ADAMTS19: variants seen among roughly 807,000 people sequenced by gnomAD.
The protein encoded by ADAMTS19 is A disintegrin and metalloproteinase with thrombospondin motifs 19.
In ADAMTS19, 93 loss-of-function variants were observed where a neutral mutation model predicts 153.3. The ratio of observed to expected loss-of-function variants is 0.61; its 90% CI spans 0.51 to 0.72. The LOEUF is 0.72. Among genes scored for constraint, ADAMTS19 ranks in the 30% least tolerant of loss-of-function variants. ADAMTS19 has a pLI of 0.00. For missense variants in ADAMTS19, 1,482 were observed against 1,552.1 expected, an observed-to-expected ratio of 0.95 and a Z score of 0.76; for synonymous variants, 600 against 556.6, an observed-to-expected ratio of 1.08 and a Z score of -1.10.
chr5:129,499,079 AC>A (rs1480492056), intron 2 of ADAMTS19, among the ~76,000 whole-genome samples: 1 of 152,032 alleles, frequency 6.6e-6, no homozygotes, highest in Non-Finnish European at 1.5e-5. Context: ...TTTGGGCTAG[AC>A]TGGTAAACAA....
Position 129,684,181 on chromosome 5 carries a change from C to T in ADAMTS19, c.2726C>T (p.Pro909Leu), listed in dbSNP as rs1754959393. The T allele has an allele frequency of 1.2e-6, 2 of 1,614,056 alleles. No homozygotes were observed. The highest frequency in any genetic ancestry group is 1.7e-5 in the Admixed American group (1 of 60,008). ...TATGAATACACTATCCCATCAGACC[C>T]TCTTCCAGAAAACCAGAGCTCTAAA... Reference protein sequence around the residue: ...LHYEYTIPSDPLPENQSSKAP... With the variant: ...LHYEYTIPSDLLPENQSSKAP... The change falls in exon 18 of 23, where the codon CCT (proline) becomes CTT (leucine). Residue 909 changes from proline to leucine, a missense_variant. Transcript: ENST00000274487.
chr5:129,615,371 G>T (rs1229304560), intron 8 of ADAMTS19, among the ~76,000 whole-genome samples: 1 of 151,990 alleles, frequency 6.6e-6, no homozygotes, highest in Non-Finnish European at 1.5e-5. Flanking sequence ...ATTTCATCCT[G>T]TAGATCATTG....
At chr5:129,654,777 T>C (rs555124529) in intron 14 of ADAMTS19, among the ~76,000 whole-genome samples, 47 of 152,162 alleles carry the variant, frequency 3.1e-4, no homozygotes, top group Non-Finnish European at 1.0e-4. Context: ...TAGTTCTCCA[T>C]GCTTTGTGTC....
At position 129,682,103 on chromosome 5, in the gene ADAMTS19, G is replaced by A. The variant is rs547447127; in HGVS notation, c.2665-2017G>A. ...GAGACCTTAGTGTTGGGTGGAGGGA[G>A]TTTCCTTGCTGCAGAATCCTTAATC... On this transcript the variant is annotated intron_variant, in intron 17 of 22. Coordinates refer to ENST00000274487, the MANE Select transcript of ADAMTS19 (RefSeq NM_133638.6). Among the ~76,000 whole-genome samples the A allele has an allele frequency of 4.6e-5, 7 of 152,266 alleles. No homozygotes were observed. The South Asian group carries it at 1.5e-3, about 32-fold the overall frequency.
chr5:129,544,131 T>C (rs953298016), intron 6 of ADAMTS19, among the ~76,000 whole-genome samples: 4 of 152,188 alleles, frequency 2.6e-5, no homozygotes, highest in Non-Finnish European at 5.9e-5. Context: ...TTAAAATACT[T>C]CATCCCTATC....
At chr5:129,640,041 A>G (rs1192527603) in intron 10 of ADAMTS19, among the ~76,000 whole-genome samples, 1 of 152,208 alleles carries the variant, frequency 6.6e-6, no homozygotes, top group Non-Finnish European at 1.5e-5. Context: ...TTTTTGGTAA[A>G]TGCTATGGGC....
At position 129,664,824 on chromosome 5, in the gene ADAMTS19, C is replaced by CA. The variant is rs149397257; in HGVS notation, c.2426-674dup. On this transcript the variant is annotated intron_variant, in intron 15 of 22. Transcript: ENST00000274487. ...TTTTTCTGCACATTTTCTCTTATCT[C>CA]ACTTTACCTTATCATTTTATTTCTC... is the stretch of plus-strand genomic sequence containing the variant. 2.1e-3 allele frequency among the ~76,000 whole-genome samples: 318 copies of CA among 152,200 alleles called. 3 individuals carry two copies. Among genetic ancestry groups the CA allele is most frequent in the African/African-American group, 7.2e-3 (300 of 41,518 alleles).
chr5:129,700,232 T>A (rs1329334291), intron 19 of ADAMTS19, among the ~76,000 whole-genome samples: 1 of 152,176 alleles, frequency 6.6e-6, no homozygotes. Context: ...AAAATACGTA[T>A]GTATTAGCTG....
At chr5:129,695,516 T>C (rs2127149704) in intron 19 of ADAMTS19, among the ~76,000 whole-genome samples, 1 of 152,314 alleles carries the variant, frequency 6.6e-6, no homozygotes, top group Middle Eastern at 3.4e-3. Context: ...AAGAAGCCCA[T>C]GCCTTGGTTA....
At chr5:129,472,965 AGTG>A (rs1750115889) in intron 2 of ADAMTS19, among the ~76,000 whole-genome samples, 1 of 151,932 alleles carries the variant, frequency 6.6e-6, no homozygotes, top group African/African-American at 2.4e-5. Context: ...TTAGAAAATC[AGTG>A]GTGAAGAGAA....
intron 21 of ADAMTS19, among the ~76,000 whole-genome samples, chr5:129,732,944 T>A (rs1757504302): frequency 6.6e-6 from 1 of 152,052 alleles, no homozygotes; most frequent in Non-Finnish European, 1.5e-5. Flanking sequence ...AGCATGGTAC[T>A]GGTACAAATA....
intron 11 of ADAMTS19, among the ~76,000 whole-genome samples, chr5:129,646,312 T>G (rs943783280): frequency 1.1e-4 from 17 of 152,184 alleles, no homozygotes; most frequent in African/African-American, 4.1e-4. Flanking sequence ...GATTAAAAAC[T>G]TTTTGAATCT....
chr5:129,516,007 T>C (rs1454697465), intron 3 of ADAMTS19, among the ~76,000 whole-genome samples: 1 of 151,966 alleles, frequency 6.6e-6, no homozygotes, highest in Non-Finnish European at 1.5e-5. Context: ...AGATGTTGAA[T>C]TTTATGAAAT....
intron 15 of ADAMTS19, among the ~76,000 whole-genome samples, chr5:129,662,662 A>G (rs1232757987): frequency 1.3e-5 from 2 of 152,270 alleles, no homozygotes; most frequent in East Asian, 3.9e-4. Flanking sequence ...CTGAAGTTCA[A>G]CATCTGCTCC....
intron 2 of ADAMTS19, among the ~76,000 whole-genome samples, chr5:129,470,013 C>A (rs1750010749): frequency 6.6e-6 from 1 of 152,176 alleles, no homozygotes; most frequent in Admixed American, 6.5e-5. Flanking sequence ...ATCGAATAAG[C>A]TACATCGTAC....
intron 10 of ADAMTS19, among the ~76,000 whole-genome samples, chr5:129,627,710 T>C (rs935439281): frequency 1.3e-5 from 2 of 152,038 alleles, no homozygotes; most frequent in Non-Finnish European, 2.9e-5. Flanking sequence ...ACACTGATGA[T>C]TAGATAAATA....
Position 129,701,474 on chromosome 5 carries a change from G to T in ADAMTS19, c.3041G>T (p.Ser1014Ile). ...SRQVACTQQL[S>I]NGTLIRARER... ...CAAGTGGCCTGTACCCAACAACTGA[G>T]CAATGGAACACTGATTAGAGCCCGA... The change falls in exon 20 of 23, where the codon AGC becomes ATC. Residue 1014 changes from serine (S) to isoleucine (I), a missense_variant. Physicochemically the swap from Ser to Ile is moderately radical, Grantham distance 142 (BLOSUM62 -2). Around this residue, in one of 2 missense-constraint regions of ADAMTS19, gnomAD observed 616 missense variants for 724.4 expected, o/e 0.85. Coordinates refer to ENST00000274487, the MANE Select transcript of ADAMTS19 (RefSeq NM_133638.6). 4.3e-6 allele frequency: 7 copies of T among 1,614,204 alleles called. No individual in the cohort carries two copies. The highest frequency in any genetic ancestry group is 5.9e-6 in the Non-Finnish European group (7 of 1,180,038).
rs77185747 is a variant in ADAMTS19, at chr5:129,466,399, C to G, written c.747+4642C>G. ...AGCAAAAAATTAATAAATAGAATAA[C>G]AGAAATCTAATGCCCAGAAGAAAAA... is the stretch of plus-strand genomic sequence containing the variant. On this transcript the variant is annotated intron_variant, in intron 2 of 22. Coordinates refer to ENST00000274487, the MANE Select transcript of ADAMTS19 (RefSeq NM_133638.6). Among the ~76,000 whole-genome samples the G allele has an allele frequency of 4.5e-3, 690 of 151,652 alleles. 10 individuals carry two copies. The highest frequency in any genetic ancestry group is 0.016 in the African/African-American group (668 of 41,330).
At position 129,732,807 on chromosome 5, in the gene ADAMTS19, A is replaced by T. The variant is rs528878969; in HGVS notation, c.3313-2125A>T. Among the ~76,000 whole-genome samples the T allele has an allele frequency of 7.9e-5, 12 of 152,230 alleles. No individual in the cohort carries two copies. The South Asian group carries it at 2.5e-3, about 32-fold the overall frequency. ...ATGTCATTTTTCACAGAATTAGGGA[A>T]AAAAAATCCTGAAATTCATACAGAA... On this transcript the variant is annotated intron_variant, in intron 21 of 22. Coordinates refer to ENST00000274487, the MANE Select transcript of ADAMTS19 (RefSeq NM_133638.6).
Sources: allele counts gnomAD v4.1 joint callset (sites outside exome capture counted in the v4.1 genomes callset), GRCh38; gene constraint gnomAD v4.1.1; regional missense constraint gnomAD v4.1.1; transcripts MANE v1.5; gene names NCBI Gene and HGNC (gene_info 2026-07-23, HGNC 2026-07-21).